The following PRELID2 variants were observed in gnomAD, a reference collection of about 807,000 sequenced individuals.
The protein encoded by PRELID2 is PRELI domain-containing protein 2.
In PRELID2, 25 loss-of-function variants were observed where a neutral mutation model predicts 28.4. That is an observed-to-expected ratio of 0.88 (90% CI 0.64 to 1.23). PRELID2 has a LOEUF of 1.23. PRELID2 is among the 50% of genes most tolerant of loss of function. PRELID2 has a pLI of 0.00. For missense variants in PRELID2, 201 were observed against 214.4 expected, an observed-to-expected ratio of 0.94 and a Z score of 0.39; for synonymous variants, 76 against 71.6, an observed-to-expected ratio of 1.06 and a Z score of -0.31.
chr5:145,249,869 G>T, the PRELID2 span, among the ~76,000 whole-genome samples: 1 of 151,870 alleles, frequency 6.6e-6, no homozygotes, highest in Non-Finnish European at 1.5e-5. Context: ...AGGGGCAATA[G>T]GGGAGTGGGA....
At chr5:145,488,494 C>T (rs1018729972) in intron 1 of PRELID2, among the ~76,000 whole-genome samples, 1 of 151,912 alleles carries the variant, frequency 6.6e-6, no homozygotes, top group African/African-American at 2.4e-5. Flanking sequence ...ACTTATAAAC[C>T]CAAAGACTCC....
chr5:145,535,587 T>A (rs1220586665), intron 1 of PRELID2, among the ~76,000 whole-genome samples: 1 of 151,910 alleles, frequency 6.6e-6, no homozygotes, highest in East Asian at 1.9e-4. Flanking sequence ...ATTGCTTACT[T>A]TCAAGGAAAA....
chr5:145,295,546 C>A, the PRELID2 span, among the ~76,000 whole-genome samples: 2 of 152,078 alleles, frequency 1.3e-5, no homozygotes, highest in Admixed American at 6.6e-5. Context: ...TAGTACAGAA[C>A]ACAAGGCAAC....
At chr5:145,799,409 G>A (rs1449012357) in intron 4 of PRELID2, among the ~76,000 whole-genome samples, 1 of 152,042 alleles carries the variant, frequency 6.6e-6, no homozygotes, top group East Asian at 1.9e-4. Context: ...CTGACTGCAT[G>A]GCTACTATAT....
chr5:145,356,022 T>C, the PRELID2 span, among the ~76,000 whole-genome samples: 780 of 152,286 alleles, frequency 5.1e-3, 11 homozygotes, highest in African/African-American at 0.018. Flanking sequence ...GTACTACAGT[T>C]TTGAATTCTT....
chr5:145,749,010 A>G (rs1757063147), intron 1 of PRELID2, among the ~76,000 whole-genome samples: 1 of 152,184 alleles, frequency 6.6e-6, no homozygotes, highest in Non-Finnish European at 1.5e-5. Context: ...AAAACCCCAA[A>G]CCAAAAAAAC....
At chr5:145,804,695 T>A (rs1334405940) in intron 4 of PRELID2, among the ~76,000 whole-genome samples, 3 of 152,158 alleles carry the variant, frequency 2.0e-5, no homozygotes, top group Admixed American at 6.5e-5. Context: ...GAGGCAAACT[T>A]ACTTATGGTC....
intron 4 of PRELID2, among the ~76,000 whole-genome samples, chr5:145,807,003 G>A (rs943779825): frequency 2.0e-5 from 3 of 152,118 alleles, no homozygotes; most frequent in Admixed American, 1.3e-4. Flanking sequence ...CCATTATCAA[G>A]TATTATGTAC....
chr5:145,323,324 T>G, the PRELID2 span, among the ~76,000 whole-genome samples: 284 of 152,010 alleles, frequency 1.9e-3, 8 homozygotes, highest in East Asian at 0.045. Flanking sequence ...AGGGCTGAAG[T>G]AAGAAGGTAG....
chr5:145,804,736 A>T (rs1435144996), intron 4 of PRELID2, among the ~76,000 whole-genome samples: 6 of 152,206 alleles, frequency 3.9e-5, no homozygotes, highest in Non-Finnish European at 7.3e-5. Context: ...GCCACTATTA[A>T]CACAGTTAAC....
At chr5:145,322,502 C>T in the PRELID2 span, among the ~76,000 whole-genome samples, 9 of 152,284 alleles carry the variant, frequency 5.9e-5, no homozygotes, top group African/African-American at 1.4e-4. Context: ...AAAATCTAGC[C>T]ACTCACATCT....
chr5:145,835,160 T>C lies in PRELID2; in HGVS notation c.75+17A>G. On this transcript the variant is annotated intron_variant, in intron 1 of 6. Coordinates refer to ENST00000683046, the MANE Select transcript of PRELID2 (RefSeq NM_205846.3). ...CGGAGGCAGCGCGGGATACGGAAGGTGGAAGCGGGGCGGTACCTTTCGGAG... is the reference window on the plus strand; with the variant it reads ...CGGAGGCAGCGCGGGATACGGAAGGCGGAAGCGGGGCGGTACCTTTCGGAG... 5 of 1,531,300 alleles carry C rather than the reference T, an allele frequency of 3.3e-6. No homozygotes were observed. Among genetic ancestry groups the C allele is most frequent in the East Asian group, 2.5e-5 (1 of 40,216 alleles). 94.9% of individuals were successfully genotyped at this position (1,531,300 alleles called of 1,614,324 possible).
chr5:145,667,198 G>A (rs565618594), intron 1 of PRELID2, among the ~76,000 whole-genome samples: 1 of 152,048 alleles, frequency 6.6e-6, no homozygotes, highest in Non-Finnish European at 1.5e-5. Flanking sequence ...CTTTGAGTGG[G>A]TTATAATACC....
At chr5:145,291,345 A>C in the PRELID2 span, among the ~76,000 whole-genome samples, 2 of 150,082 alleles carry the variant, frequency 1.3e-5, no homozygotes, top group Admixed American at 1.3e-4. Flanking sequence ...CAGAAAAAAA[A>C]AAAAAAAAAA....
At chr5:145,686,867 T>A (rs2149692811) in intron 1 of PRELID2, among the ~76,000 whole-genome samples, 1 of 152,340 alleles carries the variant, frequency 6.6e-6, no homozygotes, top group Admixed American at 6.5e-5. Flanking sequence ...TTAATTTTAA[T>A]GCATTTTGTT....
At chr5:145,691,089 T>C (rs1755140259) in intron 1 of PRELID2, among the ~76,000 whole-genome samples, 1 of 152,230 alleles carries the variant, frequency 6.6e-6, no homozygotes, top group South Asian at 2.1e-4. Context: ...TTTATAATAA[T>C]CTTGTCAACT....
At chr5:145,296,229 T>C in the PRELID2 span, among the ~76,000 whole-genome samples, 1 of 151,968 alleles carries the variant, frequency 6.6e-6, no homozygotes, top group Non-Finnish European at 1.5e-5. Context: ...TTAGGGTACA[T>C]GTGCACAATG....
chr5:145,729,186 G>C (rs1318762639), intron 1 of PRELID2: 4 of 697,138 alleles, frequency 5.7e-6, no homozygotes, highest in Non-Finnish European at 1.0e-5. Flanking sequence ...ATTTGTATCA[G>C]TGATGCTCTG....
At chr5:145,761,960 T>C (rs879230785) in intron 6 of PRELID2, among the ~76,000 whole-genome samples, 1 of 152,090 alleles carries the variant, frequency 6.6e-6, no homozygotes, top group South Asian at 2.1e-4. Flanking sequence ...TTGACAAACT[T>C]TGTAAAAACA....
Sources: allele counts gnomAD v4.1 joint callset (sites outside exome capture counted in the v4.1 genomes callset), GRCh38; gene constraint gnomAD v4.1.1; transcripts MANE v1.5; gene names NCBI Gene and HGNC (gene_info 2026-07-23, HGNC 2026-07-21).